Variants in CTNNA2 observed in about 807,000 individuals in gnomAD.
CTNNA2 encodes catenin alpha 2, also known as catenin alpha-2.
Under a neutral mutation model 101.0 loss-of-function variants are expected in CTNNA2, and 42 were observed. The ratio of observed to expected loss-of-function variants is 0.42; its 90% CI spans 0.32 to 0.54. CTNNA2 has a LOEUF of 0.54. Among genes scored for constraint, CTNNA2 ranks in the 20% least tolerant of loss-of-function variants. The probability of loss-of-function intolerance (pLI) is 0.14; values close to 1 mark genes in which losing one functional copy is unlikely to be tolerated. For synonymous variants in CTNNA2, 450 were observed against 456.4 expected (o/e 0.99, Z 0.18); for missense variants, 871 against 1,223.1 (o/e 0.71, Z 4.29).
At chr2:80,234,912 A>G (rs574917042) in intron 7 of CTNNA2, among the ~76,000 whole-genome samples, 1 of 152,290 alleles carries the variant, frequency 6.6e-6, no homozygotes, top group African/African-American at 2.4e-5. Context: ...TCCATAAACA[A>G]TAACAAATAA....
At chr2:80,619,319 T>A (rs951545435) in intron 18 of CTNNA2, 91 bp downstream of exon 18, 3 of 1,331,346 alleles carry the variant, frequency 2.3e-6, no homozygotes, top group Admixed American at 3.2e-5. Context: ...AATAAAAATG[T>A]GCCCACTGAA....
At chr2:79,432,314 C>T (rs10496224) in intron 4 of CTNNA2, among the ~76,000 whole-genome samples, 45,176 of 152,016 alleles carry the variant, frequency 0.3, 6,961 homozygotes, top group South Asian at 0.44. Context: ...AAGCAGTCAA[C>T]TTCCTCATTC....
intron 7 of CTNNA2, among the ~76,000 whole-genome samples, chr2:80,193,801 A>G (rs144073014): frequency 1.7e-3 from 265 of 152,214 alleles, no homozygotes; most frequent in African/African-American, 6.2e-3. Context: ...TACTTTTCCC[A>G]TATCCAGCTG....
intron 3 of CTNNA2, among the ~76,000 whole-genome samples, chr2:79,798,560 C>CTTTTT (rs34542700): frequency 2.1e-4 from 26 of 123,798 alleles, no homozygotes; most frequent in African/African-American, 7.3e-4. Context: ...TATAATAAGA[C>CTTTTT]TTTTTTTTTT....
At chr2:79,771,623 A>G (rs1303119136) in intron 3 of CTNNA2, among the ~76,000 whole-genome samples, 1 of 152,216 alleles carries the variant, frequency 6.6e-6, no homozygotes, top group Non-Finnish European at 1.5e-5. Context: ...TGCACAGTTC[A>G]CAAGAGGGTC....
intron 4 of CTNNA2, among the ~76,000 whole-genome samples, chr2:79,503,223 G>A (rs907553969): frequency 2.0e-5 from 3 of 152,058 alleles, no homozygotes; most frequent in African/African-American, 7.2e-5. Context: ...GCTCATAGTT[G>A]CAGGCACAAG....
At chr2:80,577,133 G>C (rs1425625109) in intron 13 of CTNNA2, among the ~76,000 whole-genome samples, 1 of 152,152 alleles carries the variant, frequency 6.6e-6, no homozygotes, top group Non-Finnish European at 1.5e-5. Context: ...AAGCTTATTA[G>C]ATGTCCAAAC....
At chr2:79,325,012 C>T (rs1034028664) in intron 3 of CTNNA2, among the ~76,000 whole-genome samples, 1 of 152,146 alleles carries the variant, frequency 6.6e-6, no homozygotes, top group African/African-American at 2.4e-5. Flanking sequence ...AGTCTCAAAT[C>T]CCCGGCTTTC....
upstream of CTNNA2, among the ~76,000 whole-genome samples, chr2:79,511,058 C>A (rs770635909): frequency 1.4e-4 from 22 of 152,152 alleles, no homozygotes; most frequent in Non-Finnish European, 2.5e-4. Context: ...TTAGTTTATT[C>A]CCTCAGGCCT....
chr2:79,842,878 A>G (rs1679934143), intron 3 of CTNNA2, among the ~76,000 whole-genome samples: 1 of 152,100 alleles, frequency 6.6e-6, no homozygotes, highest in Non-Finnish European at 1.5e-5. Context: ...ATTGTTACTT[A>G]TTTATTCTTA....
At chr2:80,489,609 G>A (rs1686876908) in intron 9 of CTNNA2, among the ~76,000 whole-genome samples, 2 of 152,140 alleles carry the variant, frequency 1.3e-5, no homozygotes, top group Admixed American at 1.3e-4. Context: ...TTTCTGAAAA[G>A]TGAATGTTGG....
chr2:79,515,405 T>C (rs1165535250), intron 1 of CTNNA2, among the ~76,000 whole-genome samples: 1 of 152,252 alleles, frequency 6.6e-6, no homozygotes, highest in Admixed American at 6.5e-5. Flanking sequence ...TGCTGTTCTT[T>C]GTGGGGCTTC....
intron 7 of CTNNA2, among the ~76,000 whole-genome samples, chr2:80,164,485 C>T (rs893449447): frequency 7.9e-5 from 12 of 152,014 alleles, no homozygotes; most frequent in African/African-American, 2.4e-4. Context: ...TATATGTGTA[C>T]ATTTAGAATC....
Position 80,303,089 on chromosome 2 carries a change from T to G in CTNNA2, c.1057-90122T>G. On this transcript the variant is annotated intron_variant, in intron 7 of 18. Transcript: ENST00000402739. The surrounding 1 kb of genome is among the most constrained non-coding windows in gnomAD (Gnocchi z 7.7). ...CAGCGAGCTGACCACAATGGCCACCTTGTTCCTCCGCAGGCAGAGCGAGTG... is the reference window on the plus strand; with the variant it reads ...CAGCGAGCTGACCACAATGGCCACCGTGTTCCTCCGCAGGCAGAGCGAGTG... 1 of 1,613,934 alleles carries G rather than the reference T, an allele frequency of 6.2e-7. No homozygotes were observed. The highest frequency in any genetic ancestry group is 8.5e-7 in the Non-Finnish European group (1 of 1,180,000).
chr2:79,318,119 T>A (rs1264034326), intron 3 of CTNNA2, among the ~76,000 whole-genome samples: 1 of 152,120 alleles, frequency 6.6e-6, no homozygotes, highest in Non-Finnish European at 1.5e-5. Flanking sequence ...AAAAAAATTC[T>A]ACCAAATATA....
At chr2:80,346,935 G>T (rs1672788856) in intron 7 of CTNNA2, among the ~76,000 whole-genome samples, 1 of 152,206 alleles carries the variant, frequency 6.6e-6, no homozygotes, top group Non-Finnish European at 1.5e-5. Flanking sequence ...CACTTCTTAA[G>T]GAAAATGGTC....
intron 7 of CTNNA2, among the ~76,000 whole-genome samples, chr2:80,308,224 A>G (rs1275146526): frequency 6.6e-6 from 1 of 152,186 alleles, no homozygotes; most frequent in Admixed American, 6.5e-5. Flanking sequence ...TTTAGTCAAA[A>G]TAATTTGTGA....
chr2:80,640,050 C>T (rs997499096), intron 18 of CTNNA2, among the ~76,000 whole-genome samples: 8 of 151,478 alleles, frequency 5.3e-5, no homozygotes, highest in African/African-American at 1.9e-4. Flanking sequence ...TGCAGTGAGC[C>T]GAGATTGTGC....
At chr2:79,700,120 A>G (rs574413724) in intron 2 of CTNNA2, among the ~76,000 whole-genome samples, 1 of 152,116 alleles carries the variant, frequency 6.6e-6, no homozygotes, top group South Asian at 2.1e-4. Context: ...TCAACACCCA[A>G]CTTGTATCCA....
Sources: gnomAD v4.1 joint callset for allele counts (sites outside exome capture counted in the v4.1 genomes callset) on GRCh38, gnomAD v4.1.1 for gene constraint, Gnocchi (gnomAD v3.1) non-coding constraint, MANE v1.5 for transcripts, NCBI Gene and HGNC (gene_info 2026-07-23, HGNC 2026-07-21) for gene names.